Variants in PLCL1 observed in about 807,000 individuals in gnomAD.
PLCL1 encodes phospholipase C like 1 (inactive).
Under a neutral mutation model 84.4 loss-of-function variants are expected in PLCL1, and 41 were observed. The ratio of observed to expected loss-of-function variants is 0.49; its 90% CI spans 0.38 to 0.63. The LOEUF (loss-of-function observed/expected upper bound fraction) is 0.63, where lower values mean the gene tolerates loss of function less well. Among genes scored for constraint, PLCL1 ranks in the 30% least tolerant of loss-of-function variants. The probability of loss-of-function intolerance (pLI) is 0.00; values close to 1 mark genes in which losing one functional copy is unlikely to be tolerated. For missense variants in PLCL1, 1,206 were observed against 1,367.8 expected (o/e 0.88, Z 1.87); for synonymous variants, 490 against 488.3 (o/e 1.00, Z -0.05).
intron 1 of PLCL1, among the ~76,000 whole-genome samples, chr2:197,867,678 T>C (rs2105701411): frequency 6.6e-6 from 1 of 152,260 alleles, no homozygotes. Flanking sequence ...ACATCCCTGC[T>C]ACACCTCGCT....
At chr2:197,835,561 T>C (rs1011529243) in intron 1 of PLCL1, among the ~76,000 whole-genome samples, 5 of 152,166 alleles carry the variant, frequency 3.3e-5, no homozygotes, top group African/African-American at 4.8e-5. Flanking sequence ...TATCCACTAT[T>C]AATAGGAGCA....
At chr2:198,112,137 C>G (rs189362071) in intron 5 of PLCL1, among the ~76,000 whole-genome samples, 30 of 151,902 alleles carry the variant, frequency 2.0e-4, no homozygotes, top group Non-Finnish European at 2.8e-4. Context: ...GTTCCATCTG[C>G]CCAGTAGTCA....
chr2:197,895,047 A>G (rs1341299659), intron 1 of PLCL1, among the ~76,000 whole-genome samples: 1 of 152,106 alleles, frequency 6.6e-6, no homozygotes, highest in Non-Finnish European at 1.5e-5. Context: ...TGTTTCTTAC[A>G]GAAAGGGGAA....
At chr2:197,903,620 A>ACTACAGGT (rs1268327319) in intron 1 of PLCL1, among the ~76,000 whole-genome samples, 1 of 140,402 alleles carries the variant, frequency 7.1e-6, no homozygotes, top group African/African-American at 2.7e-5. Context: ...AGTAGCCGGG[A>ACTACAGGT]CTACAGGTGC....
chr2:197,831,152 A>G (rs1559018415), intron 1 of PLCL1, among the ~76,000 whole-genome samples: 1 of 152,196 alleles, frequency 6.6e-6, no homozygotes, highest in Non-Finnish European at 1.5e-5. Context: ...GACAGGATCA[A>G]TTTCACACAA....
At chr2:198,087,482 A>C (rs767288133) in intron 2 of PLCL1, among the ~76,000 whole-genome samples, 3 of 152,146 alleles carry the variant, frequency 2.0e-5, no homozygotes, top group Non-Finnish European at 4.4e-5. Context: ...TCTTTAGCTG[A>C]TGTGTTTATA....
At chr2:197,881,466 T>C (rs1371401900) in intron 1 of PLCL1, among the ~76,000 whole-genome samples, 1 of 152,022 alleles carries the variant, frequency 6.6e-6, no homozygotes, top group Non-Finnish European at 1.5e-5. Flanking sequence ...CTTCATGGTT[T>C]TTGCCATATA....
chr2:198,118,762 G>A (rs1324460394), intron 5 of PLCL1, among the ~76,000 whole-genome samples: 1 of 151,984 alleles, frequency 6.6e-6, no homozygotes, highest in African/African-American at 2.4e-5. Context: ...CCCACTGAAT[G>A]CATGTGAGTA....
intron 1 of PLCL1, among the ~76,000 whole-genome samples, chr2:197,899,635 CTTTCT>C (rs1559039378): frequency 7.2e-6 from 1 of 139,182 alleles, no homozygotes; most frequent in Non-Finnish European, 1.5e-5. Flanking sequence ...TGAGTTCTTT[CTTTCT>C]TTTTTTTTTT....
chr2:197,961,023 A>G (rs1425527570), intron 1 of PLCL1, among the ~76,000 whole-genome samples: 2 of 152,050 alleles, frequency 1.3e-5, no homozygotes, highest in Admixed American at 1.3e-4. Flanking sequence ...TTATTTTGGA[A>G]CTTGGCATTT....
At chr2:198,116,950 T>C (rs1693761745) in intron 5 of PLCL1, among the ~76,000 whole-genome samples, 1 of 151,924 alleles carries the variant, frequency 6.6e-6, no homozygotes, top group Admixed American at 6.6e-5. Context: ...AGTTCTTAAA[T>C]TGCTTTACAA....
In PLCL1 at chr2:198,101,300, C is replaced by T. The variant is rs1183589022; in HGVS notation, c.2935C>T (p.Arg979Trp). The T allele has an allele frequency of 6.3e-6, 10 of 1,594,828 alleles. No individual in the cohort carries two copies. Among genetic ancestry groups the T allele is most frequent in the Non-Finnish European group, 8.6e-6 (10 of 1,164,070 alleles). The change falls in exon 4 of 6, where the codon CGG (arginine) becomes TGG (tryptophan). Residue 979 changes from arginine (R) to tryptophan (W), a missense_variant. Transcript: ENST00000428675. ...TTTGTAACAGATGATTCAAGAGAGC[C>T]GGTTTCTCATAGAAATGGCGGACAC... ...TAYDLMIQESRFLIEMADTVQ... is the reference protein window; with the variant it reads ...TAYDLMIQESWFLIEMADTVQ...
intron 1 of PLCL1, among the ~76,000 whole-genome samples, chr2:197,965,132 G>C (rs1017031708): frequency 6.6e-6 from 1 of 152,140 alleles, no homozygotes; most frequent in Non-Finnish European, 1.5e-5. Flanking sequence ...AGTAGGAGTA[G>C]TATTAGTTTT....
chr2:197,988,568 G>A (rs1413306470), intron 1 of PLCL1, among the ~76,000 whole-genome samples: 3 of 152,054 alleles, frequency 2.0e-5, no homozygotes, highest in East Asian at 3.9e-4. Flanking sequence ...TTTTTTAATG[G>A]CTGAGTAGTA....
rs371791182 is a variant in PLCL1, at chr2:198,135,182, C to T, written c.3106-11598C>T. Among the ~76,000 whole-genome samples, 453 of 152,174 alleles carry T rather than the reference C, an allele frequency of 3.0e-3. 1 individual carries two copies. Among genetic ancestry groups the T allele is most frequent in the South Asian group, 7.7e-3 (37 of 4,820 alleles). On this transcript the variant is annotated intron_variant, in intron 5 of 5. Transcript: ENST00000428675. ...TTTCTATAGAAGCTCCTTCTGTATT[C>T]GGCTTATGACACTCATGGCGGTAGT...
At chr2:197,925,352 A>C (rs1378762988) in intron 1 of PLCL1, among the ~76,000 whole-genome samples, 3 of 152,200 alleles carry the variant, frequency 2.0e-5, no homozygotes, top group Non-Finnish European at 4.4e-5. Flanking sequence ...GGGGTGTTTC[A>C]GTTCTAGCTA....
At chr2:198,119,615 G>A (rs1693824353) in intron 5 of PLCL1, among the ~76,000 whole-genome samples, 1 of 151,778 alleles carries the variant, frequency 6.6e-6, no homozygotes, top group African/African-American at 2.4e-5. Context: ...TTCCAGGGAA[G>A]CCTTCCCTGC....
intron 3 of PLCL1, among the ~76,000 whole-genome samples, chr2:198,092,086 G>A (rs556760765): frequency 1.3e-5 from 2 of 150,850 alleles, no homozygotes; most frequent in Admixed American, 6.6e-5. Context: ...AACCTCACCT[G>A]CCTCTTTAGT....
At chr2:198,066,977 T>G (rs750412491) in intron 1 of PLCL1, among the ~76,000 whole-genome samples, 2 of 152,178 alleles carry the variant, frequency 1.3e-5, no homozygotes, top group East Asian at 3.8e-4. Flanking sequence ...TAATATATCT[T>G]TCTCCTACAG....
Sources: gnomAD v4.1 joint callset for allele counts (sites outside exome capture counted in the v4.1 genomes callset) on GRCh38, gnomAD v4.1.1 for gene constraint, MANE v1.5 for transcripts, NCBI Gene and HGNC (gene_info 2026-07-23, HGNC 2026-07-21) for gene names.